Variants in AOPEP observed in about 807,000 individuals in gnomAD.
The protein encoded by AOPEP is aminopeptidase O.
AOPEP carries 77 observed loss-of-function variants against 98.1 expected under a neutral mutation model. That is an observed-to-expected ratio of 0.78 (90% CI 0.65 to 0.95). The LOEUF is 0.95. AOPEP is among the 40% of genes least tolerant of loss of function. The pLI is 0.00. For missense variants in AOPEP, 1,024 were observed against 1,024.7 expected, an observed-to-expected ratio of 1.00 and a Z score of 0.01; for synonymous variants, 346 against 365.3, an observed-to-expected ratio of 0.95 and a Z score of 0.60.
chr9:94,800,605 G>C, intron 4 of AOPEP, 152 bp from the exon 5 acceptor site: 1 of 782,670 alleles, frequency 1.3e-6, no homozygotes, highest in South Asian at 1.6e-5. Context: ...GCTGCACAGA[G>C]CCAGTCAAGC....
At chr9:94,937,284 G>A (rs1394501981) in intron 7 of AOPEP, among the ~76,000 whole-genome samples, 6 of 152,312 alleles carry the variant, frequency 3.9e-5, no homozygotes, top group African/African-American at 7.2e-5. Context: ...AGGAAACGAG[G>A]ACAAAAACCA....
intron 5 of AOPEP, among the ~76,000 whole-genome samples, chr9:94,898,652 A>C (rs1440771151): frequency 6.8e-6 from 1 of 146,428 alleles, no homozygotes; most frequent in Non-Finnish European, 1.5e-5. Flanking sequence ...TAAAATGAAA[A>C]AAAAAAAAAG....
chr9:94,840,330 A>G (rs1409998863), intron 5 of AOPEP, among the ~76,000 whole-genome samples: 1 of 152,194 alleles, frequency 6.6e-6, no homozygotes, highest in Non-Finnish European at 1.5e-5. Context: ...CCAGCTTTCC[A>G]TTGCCATGAT....
At chr9:95,044,085 A>AC (rs1395471569) in intron 13 of AOPEP, among the ~76,000 whole-genome samples, 5 of 152,210 alleles carry the variant, frequency 3.3e-5, no homozygotes, top group Non-Finnish European at 7.3e-5. Context: ...GGAGAAAAGC[A>AC]CCATCTGCAT....
At chr9:94,876,705 T>C (rs2046990062) in intron 5 of AOPEP, among the ~76,000 whole-genome samples, 1 of 152,120 alleles carries the variant, frequency 6.6e-6, no homozygotes, top group Non-Finnish European at 1.5e-5. Flanking sequence ...TTAGTATGTT[T>C]GGTGGCAGTA....
chr9:94,752,378 CA>C lies in AOPEP; in HGVS notation c.-135-7270del, dbSNP rs1375624525. Among the ~76,000 whole-genome samples, 161 of 152,200 alleles carry C rather than the reference CA, an allele frequency of 1.1e-3. No individual in the cohort carries two copies. The East Asian group carries it at 0.013, about 12-fold the overall frequency. On this transcript the variant is annotated intron_variant, in intron 1 of 16. Transcript: ENST00000375315. ...TCTCTCTCACACACACACACACACACACACACACCCCACATGCATGTACCAG... is the reference window on the plus strand; with the variant it reads ...TCTCTCTCACACACACACACACACACCACACACCCCACATGCATGTACCAG...
chr9:94,901,817 T>G lies in AOPEP; in HGVS notation c.1365-22169T>G, dbSNP rs2050443697. On this transcript the variant is annotated intron_variant, in intron 5 of 16. Transcript: ENST00000375315. ...TTAGCCGGGCGTCGTGGAGCACATC[T>G]GTAATCTTAGCTACTTGGGAGACTG... Among the ~76,000 whole-genome samples the G allele has an allele frequency of 2.0e-5, 3 of 151,858 alleles. No individual in the cohort carries two copies. The South Asian group carries it at 6.3e-4, about 32-fold the overall frequency.
At chr9:94,844,914 A>G (rs2042676082) in intron 5 of AOPEP, among the ~76,000 whole-genome samples, 1 of 152,140 alleles carries the variant, frequency 6.6e-6, no homozygotes, top group Non-Finnish European at 1.5e-5. Context: ...GCTTTGTGGA[A>G]ATAGAAAAGT....
intron 7 of AOPEP, among the ~76,000 whole-genome samples, chr9:94,943,593 C>CA (rs1409630155): frequency 7.3e-6 from 1 of 137,538 alleles, no homozygotes; most frequent in Non-Finnish European, 1.5e-5. Context: ...GACTCCATCT[C>CA]AAATAAAAAA....
chr9:94,833,741 C>A (rs922777976), intron 5 of AOPEP, among the ~76,000 whole-genome samples: 2 of 152,022 alleles, frequency 1.3e-5, no homozygotes, highest in Admixed American at 6.6e-5. Context: ...TTTAAGGATA[C>A]CAGGGAATTA....
At chr9:94,923,931 C>A in intron 5 of AOPEP, 55 bp from the exon 6 acceptor site, 1 of 1,236,942 alleles carries the variant, frequency 8.1e-7, no homozygotes. Flanking sequence ...CATCGGATGG[C>A]CATGAGGACA....
chr9:94,964,869 T>G (rs961322172), intron 9 of AOPEP, among the ~76,000 whole-genome samples: 10 of 152,040 alleles, frequency 6.6e-5, no homozygotes, highest in Non-Finnish European at 1.2e-4. Flanking sequence ...TCGAACTCCT[T>G]ACCTTGTGAT....
At chr9:95,005,713 A>G in intron 13 of AOPEP, 97 bp downstream of exon 13, 1 of 977,822 alleles carries the variant, frequency 1.0e-6, no homozygotes, top group Non-Finnish European at 1.6e-6. Context: ...GTTTAATTTA[A>G]AAAGTTTTTG....
chr9:94,908,276 T>A (rs4744403), intron 5 of AOPEP, among the ~76,000 whole-genome samples: 47,832 of 152,068 alleles, frequency 0.31, 8,706 homozygotes, highest in Non-Finnish European at 0.42. Flanking sequence ...CCAGGAGCCC[T>A]GCTGTTAAGC....
At chr9:94,747,786 A>T (rs1256568569) in intron 1 of AOPEP, among the ~76,000 whole-genome samples, 1 of 152,190 alleles carries the variant, frequency 6.6e-6, no homozygotes, top group Admixed American at 6.5e-5. Context: ...GAAGGGCTGG[A>T]AAGTTTAACA....
At chr9:94,915,113 G>A (rs1182048816) in intron 5 of AOPEP, among the ~76,000 whole-genome samples, 1 of 152,084 alleles carries the variant, frequency 6.6e-6, no homozygotes, top group Non-Finnish European at 1.5e-5. Context: ...TGGGATTTTA[G>A]GCAAGTGACA....
intron 5 of AOPEP, among the ~76,000 whole-genome samples, chr9:94,804,893 A>G (rs1022168336): frequency 1.3e-5 from 2 of 152,224 alleles, no homozygotes; most frequent in Non-Finnish European, 2.9e-5. Context: ...AAAGGGTGAC[A>G]TTTGGGCTAA....
chr9:94,759,338 C>T (rs1221792484), intron 1 of AOPEP, among the ~76,000 whole-genome samples: 1 of 152,204 alleles, frequency 6.6e-6, no homozygotes, highest in Non-Finnish European at 1.5e-5. Flanking sequence ...AGACTAGAGG[C>T]ACAGTGATGC....
intron 14 of AOPEP, among the ~76,000 whole-genome samples, chr9:95,078,786 G>T (rs1481405397): frequency 6.6e-6 from 1 of 152,232 alleles, no homozygotes; most frequent in African/African-American, 2.4e-5. Flanking sequence ...CATTTAGGTG[G>T]CTGTGAGTTG....
Sources: allele counts gnomAD v4.1 joint callset (sites outside exome capture counted in the v4.1 genomes callset), GRCh38; gene constraint gnomAD v4.1.1; transcripts MANE v1.5; gene names NCBI Gene and HGNC (gene_info 2026-07-23, HGNC 2026-07-21).